CNTN4: variants seen among roughly 807,000 people sequenced by gnomAD.
CNTN4 encodes the protein contactin 4, also known as contactin-4.
CNTN4 carries 77 observed loss-of-function variants against 122.5 expected under a neutral mutation model. The observed-to-expected ratio is 0.63, with a 90% confidence interval of 0.52 to 0.76. The LOEUF is 0.76. Among genes scored for constraint, CNTN4 ranks in the 30% least tolerant of loss-of-function variants. The probability of loss-of-function intolerance (pLI) is 0.00; values close to 1 mark genes in which losing one functional copy is unlikely to be tolerated. For missense variants in CNTN4, 1,256 were observed against 1,259.1 expected, an observed-to-expected ratio of 1.00 and a Z score of 0.04; for synonymous variants, 512 against 447.0, an observed-to-expected ratio of 1.15 and a Z score of -1.83.
In CNTN4 at chr3:2,385,222, C is replaced by G. The variant is rs1553637958; in HGVS notation, c.-89+45989C>G. Reference sequence around the variant, plus strand: ...TAAAAATAATCTGTCTACTACTCAACTTTCTACTCAGTTTTTTATTTTTTA... The same window carrying G: ...TAAAAATAATCTGTCTACTACTCAAGTTTCTACTCAGTTTTTTATTTTTTA... On this transcript the variant is annotated intron_variant, in intron 3 of 24. Coordinates refer to ENST00000418658, the MANE Select transcript of CNTN4 (RefSeq NM_175607.3). This position sits in a 1 kb window ranked among gnomAD's most constrained non-coding sequence, Gnocchi z 4.0. 1.3e-5 allele frequency among the ~76,000 whole-genome samples: 2 copies of G among 152,132 alleles called. No homozygotes were observed. The highest frequency in any genetic ancestry group is 2.9e-5 in the Non-Finnish European group (2 of 68,022).
intron 4 of CNTN4, among the ~76,000 whole-genome samples, chr3:2,593,691 G>A (rs969214849): frequency 6.6e-6 from 1 of 152,096 alleles, no homozygotes; most frequent in Non-Finnish European, 1.5e-5. Context: ...TTTTAGGGAA[G>A]AGAATGTATA....
intron 2 of CNTN4, among the ~76,000 whole-genome samples, chr3:2,181,256 A>T (rs2037002231): frequency 6.6e-6 from 1 of 152,064 alleles, no homozygotes; most frequent in South Asian, 2.1e-4. Flanking sequence ...AACAAATGTG[A>T]TCACCCCGAG....
intron 2 of CNTN4, among the ~76,000 whole-genome samples, chr3:2,143,331 A>C (rs532130859): frequency 1.3e-5 from 2 of 152,220 alleles, no homozygotes; most frequent in Non-Finnish European, 2.9e-5. Context: ...AAAGTTTGTC[A>C]ATCTGATTTT....
chr3:2,637,264 G>A (rs572251937), intron 4 of CNTN4, among the ~76,000 whole-genome samples: 1 of 151,830 alleles, frequency 6.6e-6, no homozygotes, highest in Non-Finnish European at 1.5e-5. Context: ...ACATACACAA[G>A]GTGCTTAAAC....
At chr3:2,480,321 A>C (rs1428778071) in intron 3 of CNTN4, among the ~76,000 whole-genome samples, 3 of 152,146 alleles carry the variant, frequency 2.0e-5, no homozygotes, top group African/African-American at 7.2e-5. Flanking sequence ...AAGAAATTAA[A>C]CTGCCTTTTC....
chr3:2,876,580 G>T (rs1466376077), intron 8 of CNTN4, among the ~76,000 whole-genome samples: 3 of 152,108 alleles, frequency 2.0e-5, no homozygotes, highest in Non-Finnish European at 4.4e-5. Context: ...AAATCTTATG[G>T]CACGCAACTC....
At chr3:2,200,051 A>G (rs1204315806) in intron 2 of CNTN4, among the ~76,000 whole-genome samples, 2 of 152,170 alleles carry the variant, frequency 1.3e-5, no homozygotes, top group Admixed American at 1.3e-4. Flanking sequence ...TAAGCTGCAC[A>G]AGGTTATGAT....
chr3:2,873,586 A>G (rs1418867202), intron 8 of CNTN4, among the ~76,000 whole-genome samples: 1 of 152,238 alleles, frequency 6.6e-6, no homozygotes, highest in Non-Finnish European at 1.5e-5. Flanking sequence ...AGCATCATGC[A>G]TCCTCCATTA....
At chr3:2,933,223 C>T (rs1031490098) in intron 13 of CNTN4, among the ~76,000 whole-genome samples, 1 of 152,120 alleles carries the variant, frequency 6.6e-6, no homozygotes, top group African/African-American at 2.4e-5. Context: ...GCATTCGTCG[C>T]AGGGTCAGCC....
intron 4 of CNTN4, among the ~76,000 whole-genome samples, chr3:2,581,110 T>G (rs572470965): frequency 6.6e-6 from 1 of 152,302 alleles, no homozygotes; most frequent in East Asian, 1.9e-4. Context: ...ATGGGGATTT[T>G]GGGGCTCAGG....
chr3:2,694,282 G>T (rs1206531430), intron 4 of CNTN4, among the ~76,000 whole-genome samples: 1 of 152,212 alleles, frequency 6.6e-6, no homozygotes, highest in African/African-American at 2.4e-5. Flanking sequence ...AGCTGACAAT[G>T]TCTAGCACAG....
chr3:2,384,170 C>A (rs758271336), intron 3 of CNTN4, among the ~76,000 whole-genome samples: 1 of 152,120 alleles, frequency 6.6e-6, no homozygotes, highest in Admixed American at 6.6e-5. Context: ...CATAAGGACT[C>A]AGTAACCTTT....
intron 12 of CNTN4, among the ~76,000 whole-genome samples, chr3:2,916,591 T>C (rs1264498767): frequency 7.9e-5 from 10 of 125,960 alleles, no homozygotes; most frequent in Non-Finnish European, 1.7e-5. Flanking sequence ...GAGTCTCCCA[T>C]GTCTACTTCT....
At chr3:2,614,826 G>A (rs1040799233) in intron 4 of CNTN4, among the ~76,000 whole-genome samples, 5 of 152,046 alleles carry the variant, frequency 3.3e-5, no homozygotes, top group Non-Finnish European at 5.9e-5. Flanking sequence ...ACTAGGCCTG[G>A]AGATAAGAGA....
intron 4 of CNTN4, among the ~76,000 whole-genome samples, chr3:2,667,209 A>G (rs897713523): frequency 6.6e-6 from 1 of 152,188 alleles, no homozygotes; most frequent in Non-Finnish European, 1.5e-5. Context: ...TCCCACTAAC[A>G]GTGTAAAAGT....
chr3:2,898,950 A>G (rs991566487), intron 10 of CNTN4, among the ~76,000 whole-genome samples: 1 of 152,204 alleles, frequency 6.6e-6, no homozygotes, highest in Non-Finnish European at 1.5e-5. Context: ...AGAACAAGGA[A>G]GACTTGCAGC....
At chr3:3,037,087 G>T in intron 17 of CNTN4, 92 bp from the exon 18 acceptor site, 1 of 1,389,238 alleles carries the variant, frequency 7.2e-7, no homozygotes, top group South Asian at 1.2e-5. Context: ...ATAATGATGA[G>T]GATGGATGGA....
At chr3:2,198,845 AG>A (rs2037965427) in intron 2 of CNTN4, among the ~76,000 whole-genome samples, 1 of 152,304 alleles carries the variant, frequency 6.6e-6, no homozygotes, top group South Asian at 2.1e-4. Context: ...TCATCACAAA[AG>A]ATACTAGTTT....
chr3:2,259,761 C>T (rs113532005), intron 2 of CNTN4, among the ~76,000 whole-genome samples: 12,447 of 152,168 alleles, frequency 0.082, 832 homozygotes, highest in African/African-American at 0.18. Flanking sequence ...ATTATGGGAG[C>T]TACAATTCAA....
Sources: allele counts gnomAD v4.1 joint callset (sites outside exome capture counted in the v4.1 genomes callset), GRCh38; gene constraint gnomAD v4.1.1; non-coding constraint Gnocchi (gnomAD v3.1); transcripts MANE v1.5; gene names NCBI Gene and HGNC (gene_info 2026-07-23, HGNC 2026-07-21).